The following COL10A1 variants were observed in gnomAD, a reference collection of about 807,000 sequenced individuals.
The protein encoded by COL10A1 is collagen type X alpha 1 chain.
In COL10A1, 10 loss-of-function variants were observed where a neutral mutation model predicts 18.2. The ratio of observed to expected loss-of-function variants is 0.55; its 90% CI spans 0.34 to 0.93. The LOEUF (loss-of-function observed/expected upper bound fraction) is 0.93. Among genes scored for constraint, COL10A1 ranks in the 40% least tolerant of loss-of-function variants. The pLI is 0.02. For missense variants in COL10A1, 897 were observed against 853.5 expected, an observed-to-expected ratio of 1.05 and a Z score of -0.64; for synonymous variants, 330 against 316.6, an observed-to-expected ratio of 1.04 and a Z score of -0.45.
the COL10A1 span, among the ~76,000 whole-genome samples, chr6:116,213,387 T>C: frequency 6.6e-6 from 1 of 152,090 alleles, no homozygotes; most frequent in Non-Finnish European, 1.5e-5. Flanking sequence ...TAGCCTCAGA[T>C]TGGTTGCACA....
rs886060992 is a variant in COL10A1, at chr6:116,121,483, T to C, written c.633A>G (p.Thr211=). Residue 211 remains threonine, a synonymous_variant, in exon 3 of 3, where the codon ACA becomes ACG. Transcript: ENST00000651968. ...CCACTCCAGGAGGGCCAGATGGTCC[T>C]GTGGGACCCTGAGGGCCTGGAAGAC... ...ERGLPGPQGP[T]GPSGPPGVGK... is the part of the protein sequence containing the mutation. 30 of 1,614,044 alleles carry C rather than the reference T, an allele frequency of 1.9e-5. No individual in the cohort carries two copies. The highest frequency in any genetic ancestry group is 2.4e-5 in the Non-Finnish European group (28 of 1,180,020).
At chr6:116,173,005 G>T in the COL10A1 span, among the ~76,000 whole-genome samples, 4 of 152,084 alleles carry the variant, frequency 2.6e-5, no homozygotes, top group Admixed American at 6.6e-5. Flanking sequence ...TAAGAAATTT[G>T]ATCAGAGGAA....
chr6:116,140,809 TG>T (rs1779745844), intron 1 of COL10A1, among the ~76,000 whole-genome samples: 1 of 152,180 alleles, frequency 6.6e-6, no homozygotes, highest in South Asian at 2.1e-4. Context: ...TACTGATGTG[TG>T]GGGCTGTTTA....
chr6:116,187,700 A>C, the COL10A1 span, among the ~76,000 whole-genome samples: 11 of 152,210 alleles, frequency 7.2e-5, no homozygotes, highest in South Asian at 2.3e-3. Flanking sequence ...ATATTAGACA[A>C]AAATCAATTT....
At chr6:116,163,702 T>A (rs1780399113), upstream of COL10A1, among the ~76,000 whole-genome samples, 1 of 152,174 alleles carries the variant, frequency 6.6e-6, no homozygotes, top group Non-Finnish European at 1.5e-5. Flanking sequence ...GTTAGGTACA[T>A]CATTTGGTTG....
In COL10A1 at chr6:116,125,035, A is replaced by T. The variant is rs375966898; in HGVS notation, c.154+304T>A. ...CTTGATTAGTTTTGATTAGATCAAG[A>T]TTTCTGGATTACATGCAGTTATTTG... is the stretch of plus-strand genomic sequence containing the variant. On this transcript the variant is annotated intron_variant, in intron 2 of 2. Coordinates refer to ENST00000651968, the MANE Select transcript of COL10A1 (RefSeq NM_000493.4). 4.1e-4 allele frequency among the ~76,000 whole-genome samples: 63 copies of T among 152,354 alleles called. No homozygotes were observed. In the South Asian group the frequency reaches 0.012, roughly 30 times the overall value.
chr6:116,129,308 T>A (rs532253246), upstream of COL10A1, among the ~76,000 whole-genome samples: 1 of 152,296 alleles, frequency 6.6e-6, no homozygotes, highest in East Asian at 1.9e-4. Flanking sequence ...TGATAAATTG[T>A]TTGTTGAAAT....
chr6:116,120,506 G>T lies in COL10A1; in HGVS notation c.1610C>A (p.Thr537Asn), dbSNP rs748029181. The change falls in exon 3 of 3, where the codon ACC becomes AAC. Residue 537 changes from threonine to asparagine, a missense_variant. By Grantham distance (65) the Thr-to-Asn change is moderately conservative. Coordinates refer to ENST00000651968, the MANE Select transcript of COL10A1 (RefSeq NM_000493.4). ...KAGQRPSLSG[T>N]PLVSANQGVT... Reference sequence around the variant, plus strand: ...CCCCTGGTTGGCACTAACAAGAGGGGTCCCAGAAAGACTGGGCCTTTGGCC... The same window carrying T: ...CCCCTGGTTGGCACTAACAAGAGGGTTCCCAGAAAGACTGGGCCTTTGGCC... 22 of 1,614,090 alleles carry T rather than the reference G, an allele frequency of 1.4e-5. No individual in the cohort carries two copies. The Admixed American group carries it at 3.7e-4, about 27-fold the overall frequency.
chr6:116,132,991 T>C (rs1779506495), intron 1 of COL10A1, among the ~76,000 whole-genome samples: 1 of 152,148 alleles, frequency 6.6e-6, no homozygotes, highest in Non-Finnish European at 1.5e-5. Flanking sequence ...GAGAAATTCA[T>C]GCATAAAAAC....
At chr6:116,144,537 T>C (rs1457374852) in intron 1 of COL10A1, among the ~76,000 whole-genome samples, 2 of 152,180 alleles carry the variant, frequency 1.3e-5, no homozygotes, top group African/African-American at 4.8e-5. Context: ...ACACCAACTT[T>C]CATGAGTTTC....
rs371251309 is a variant in COL10A1 at position 116,135,420 on chromosome 6, A to C, written c.-15-9913T>G. ...TGTAGCATCCATAACCGCCCCCCCC[A>C]CCTTTTTATTTAACAACTCCATGTG... On this transcript the variant is annotated intron_variant, in intron 1 of 1. Transcript: ENST00000418500. 2.4e-3 allele frequency among the ~76,000 whole-genome samples: 370 copies of C among 151,312 alleles called. 9 individuals are homozygous for C. In the South Asian group the frequency reaches 0.041, roughly 17 times the overall value.
the COL10A1 span, among the ~76,000 whole-genome samples, chr6:116,189,243 AC>A: frequency 6.6e-6 from 1 of 151,816 alleles, no homozygotes; most frequent in Non-Finnish European, 1.5e-5. Flanking sequence ...ATTAACTGGT[AC>A]TTTTTTCTCT....
upstream of COL10A1, among the ~76,000 whole-genome samples, chr6:116,159,204 T>C (rs1562143828): frequency 6.6e-6 from 1 of 152,162 alleles, no homozygotes; most frequent in Non-Finnish European, 1.5e-5. Flanking sequence ...ATGTGACTTT[T>C]TTTGGTAGTT....
the COL10A1 span, among the ~76,000 whole-genome samples, chr6:116,180,925 T>G: frequency 3.3e-5 from 5 of 152,056 alleles, no homozygotes; most frequent in Admixed American, 6.6e-5. Context: ...TGGTGACATT[T>G]TCAACACTAA....
the COL10A1 span, among the ~76,000 whole-genome samples, chr6:116,206,043 G>A: frequency 6.6e-6 from 1 of 151,944 alleles, no homozygotes; most frequent in African/African-American, 2.4e-5. Context: ...TTTCCTGGAA[G>A]TAACAAAAAG....
At chr6:116,168,200 T>C in the COL10A1 span, among the ~76,000 whole-genome samples, 1 of 151,888 alleles carries the variant, frequency 6.6e-6, no homozygotes, top group African/African-American at 2.4e-5. Flanking sequence ...GTTCTGCTCC[T>C]TTTCTCTTTT....
chr6:116,166,197 C>T, the COL10A1 span, among the ~76,000 whole-genome samples: 1 of 152,154 alleles, frequency 6.6e-6, no homozygotes, highest in African/African-American at 2.4e-5. Context: ...TCCTTTTCTG[C>T]AACCCCACAT....
At chr6:116,194,309 T>C in the COL10A1 span, among the ~76,000 whole-genome samples, 2 of 152,070 alleles carry the variant, frequency 1.3e-5, no homozygotes, top group Non-Finnish European at 2.9e-5. Context: ...ACATTACTTG[T>C]TTTCACAACA....
intron 1 of COL10A1, among the ~76,000 whole-genome samples, chr6:116,151,034 T>G (rs1381557125): frequency 6.6e-6 from 1 of 152,210 alleles, no homozygotes; most frequent in African/African-American, 2.4e-5. Context: ...TAAAATGTTA[T>G]CTCATTGATA....
Sources: gnomAD v4.1 joint callset for allele counts (sites outside exome capture counted in the v4.1 genomes callset) on GRCh38, gnomAD v4.1.1 for gene constraint, MANE v1.5 for transcripts, NCBI Gene and HGNC (gene_info 2026-07-23, HGNC 2026-07-21) for gene names.